Variants in LTA observed in about 807,000 individuals in gnomAD.
The protein encoded by LTA is lymphotoxin alpha.
In LTA, 6 loss-of-function variants were observed where a neutral mutation model predicts 15.1. That is an observed-to-expected ratio of 0.40 (90% CI 0.22 to 0.78). The LOEUF (loss-of-function observed/expected upper bound fraction) is 0.78, where lower values mean the gene tolerates loss of function less well. LTA is among the 30% of genes least tolerant of loss of function. The pLI, the probability that LTA is intolerant of heterozygous loss-of-function variation, is 0.38. For synonymous variants in LTA, 87 were observed against 107.3 expected, an observed-to-expected ratio of 0.81 and a Z score of 1.17; for missense variants, 173 against 249.5, an observed-to-expected ratio of 0.69 and a Z score of 2.06.
upstream of LTA, among the ~76,000 whole-genome samples, chr6:31,568,298 C>T (rs144451890): frequency 1.3e-5 from 2 of 152,250 alleles, no homozygotes; most frequent in African/African-American, 4.8e-5. The surrounding 1 kb of genome is among the most constrained non-coding windows in gnomAD (Gnocchi z 4.1). Context: ...GCTTGTGGCT[C>T]AGATTGGACT....
chr6:31,562,948 T>A, the LTA span, among the ~76,000 whole-genome samples: 4 of 149,002 alleles, frequency 2.7e-5, no homozygotes, highest in Admixed American at 2.7e-4. Context: ...ACTATAGATA[T>A]CAGGAGTTCA....
chr6:31,569,477 A>C (rs181404050), upstream of LTA, among the ~76,000 whole-genome samples: 371 of 152,316 alleles, frequency 2.4e-3, 8 homozygotes, highest in East Asian at 0.052. Flanking sequence ...CCACACTGAC[A>C]CAAGAGATAA....
In LTA at chr6:31,572,693, C is replaced by T. The variant is rs765284267; in HGVS notation, c.-9-41C>T. ...GGTCTGTCTTCCGCCGCGTGCCCCGCCCCGCTCACTGTCTCTCTCTCTCTC... is the reference window on the plus strand; with the variant it reads ...GGTCTGTCTTCCGCCGCGTGCCCCGTCCCGCTCACTGTCTCTCTCTCTCTC... On this transcript the variant is annotated intron_variant, in intron 1 of 3. Coordinates refer to ENST00000418386, the MANE Select transcript of LTA (RefSeq NM_000595.4). 14 of 1,478,138 alleles carry T rather than the reference C, an allele frequency of 9.5e-6. No individual in the cohort carries two copies. In the African/African-American group the frequency reaches 9.9e-5, roughly 10 times the overall value. 91.6% of individuals were successfully genotyped at this position (1,478,138 alleles called of 1,614,324 possible).
At chr6:31,572,634 C>A in intron 1 of LTA, 100 bp from the exon 2 acceptor site, 1 of 768,460 alleles carries the variant, frequency 1.3e-6, no homozygotes, top group Admixed American at 2.1e-5. Context: ...ATCTCTCTCT[C>A]GGGGGTCGGG....
At chr6:31,562,437 A>G in the LTA span, among the ~76,000 whole-genome samples, 1 of 152,126 alleles carries the variant, frequency 6.6e-6, no homozygotes, top group Non-Finnish European at 1.5e-5. Context: ...TAAGGGGGCT[A>G]GTCTTTTGAG....
upstream of LTA, among the ~76,000 whole-genome samples, chr6:31,571,874 A>G (rs1770843348): frequency 6.6e-6 from 1 of 150,510 alleles, no homozygotes; most frequent in African/African-American, 2.4e-5. Context: ...GGACAGGGGT[A>G]CAAGAGAAGG....
At position 31,572,906 on chromosome 6, in the gene LTA, C is replaced by G. The variant is rs1306875589; in HGVS notation, c.100-22C>G. 1.9e-6 allele frequency: 3 copies of G among 1,610,908 alleles called. No homozygotes were observed. In the Admixed American group the frequency reaches 5.0e-5, roughly 27 times the overall value. On this transcript the variant is annotated intron_variant, in intron 2 of 3. Coordinates refer to ENST00000418386, the MANE Select transcript of LTA (RefSeq NM_000595.4). ...GCCAAACCTTGAGCCCTAGAGCCCC[C>G]CTCAACTCTGTTCTCCCCTAGGGGC...
the LTA span, among the ~76,000 whole-genome samples, chr6:31,566,004 C>T: frequency 6.6e-6 from 1 of 151,654 alleles, no homozygotes; most frequent in Non-Finnish European, 1.5e-5. Context: ...ATGATGAAAC[C>T]CTATCTCTAC....
the LTA span, among the ~76,000 whole-genome samples, chr6:31,561,891 A>G: frequency 6.6e-6 from 1 of 152,072 alleles, no homozygotes; most frequent in Admixed American, 6.6e-5. Context: ...AGGTACCAGC[A>G]TGACTCTCAG....
upstream of LTA, among the ~76,000 whole-genome samples, chr6:31,568,885 A>G (rs536418572): frequency 2.7e-5 from 4 of 150,208 alleles, no homozygotes; most frequent in Non-Finnish European, 5.9e-5. This position sits in a 1 kb window ranked among gnomAD's most constrained non-coding sequence, Gnocchi z 4.1. Context: ...TCTCCCCATC[A>G]CCCTTCTTGC....
rs4647193 is a variant in LTA, at chr6:31,572,654, C to T, written c.-9-80C>T. ...TCTCTCGGGGGTCGGGGGGTGCTCT[C>T]TCCCAGGGCGGGAGGTCTGTCTTCC... On this transcript the variant is annotated intron_variant, in intron 1 of 3. Transcript: ENST00000418386. The T allele has an allele frequency of 1.4e-4, 136 of 970,050 alleles. 1 individual carries two copies. The African/African-American group carries it at 2.2e-3, about 16-fold the overall frequency. 60.1% of individuals were successfully genotyped at this position (970,050 alleles called of 1,614,324 possible). A position where few individuals can be genotyped will look rare whatever the true frequency, so the allele number is the denominator to read the frequency against.
chr6:31,567,668 ACACACACACGCACGCATG>A (rs1354738742), upstream of LTA, among the ~76,000 whole-genome samples: 24 of 57,314 alleles, frequency 4.2e-4, no homozygotes, highest in East Asian at 0.011. Flanking sequence ...ACACACACAC[ACACACACACGCACGCATG>A]CACGCACCAC....
upstream of LTA, among the ~76,000 whole-genome samples, chr6:31,567,670 A>ACG (rs1240324980): frequency 1.7e-4 from 9 of 53,414 alleles, no homozygotes; most frequent in East Asian, 1.2e-3. Flanking sequence ...ACACACACAC[A>ACG]CACACACGCA....
At chr6:31,572,478 C>T in intron 1 of LTA, 32 bp downstream of exon 1, 1 of 570,476 alleles carries the variant, frequency 1.8e-6, no homozygotes, top group East Asian at 2.9e-5. Flanking sequence ...TTCTCTGTCT[C>T]TGACTCTCCA....
chr6:31,573,843 C>T lies in LTA; in HGVS notation c.*150C>T. ...TCCCTGATCAAGTCACCGGAGCTTT[C>T]AAAGAAGGAATTCTAGGCATCCCAG... On this transcript the variant is annotated 3_prime_UTR_variant, in exon 4 of 4. Coordinates refer to ENST00000418386, the MANE Select transcript of LTA (RefSeq NM_000595.4). 1.1e-6 allele frequency: 1 copy of T among 935,582 alleles called. No individual in the cohort carries two copies. Among genetic ancestry groups the T allele is most frequent in the Non-Finnish European group, 1.7e-6 (1 of 594,756 alleles). The allele number at this position is 935,582 out of a possible 1,614,324, so 58.0% of individuals were successfully genotyped here. A position where few individuals can be genotyped will look rare whatever the true frequency, so the allele number is the denominator to read the frequency against.
chr6:31,573,390 C>T lies in LTA; in HGVS notation c.315C>T (p.Gly105=). 6.2e-7 allele frequency: 1 copy of T among 1,614,134 alleles called. No individual in the cohort carries two copies. The change falls in exon 4 of 4, where the codon GGC becomes GGT. Residue 105 remains glycine (G), a synonymous_variant. Coordinates refer to ENST00000418386, the MANE Select transcript of LTA (RefSeq NM_000595.4). ...ATTCTCTCCTGGTCCCCACCAGTGG[C>T]ATCTACTTCGTCTACTCCCAGGTGG... ...SNNSLLVPTS[G]IYFVYSQVVF...
upstream of LTA, among the ~76,000 whole-genome samples, chr6:31,567,152 G>A (rs924871210): frequency 2.0e-5 from 3 of 149,852 alleles, no homozygotes; most frequent in Admixed American, 6.6e-5. Flanking sequence ...AAAATTAGCC[G>A]GGAATGGTGG....
Position 31,572,439 on chromosome 6 carries a change from G to T in LTA, c.-17G>T. ...CTGGATCCCCGGCCTGCCTGGGCCT[G>T]GGCCTTGGTGGGTTTGGTTTTGGTT... On this transcript the variant is annotated 5_prime_UTR_variant, in exon 1 of 4. Transcript: ENST00000418386. 1.9e-6 allele frequency: 1 copy of T among 517,934 alleles called. No individual in the cohort carries two copies. The highest frequency in any genetic ancestry group is 3.4e-6 in the Non-Finnish European group (1 of 290,980). The allele number at this position is 517,934 out of a possible 1,614,324, so 32.1% of individuals were successfully genotyped here.
rs4645834 is a variant in LTA, at chr6:31,574,062, G to T, written c.*369G>T. 150 of 421,932 alleles carry T rather than the reference G, an allele frequency of 3.6e-4. No homozygotes were observed. The highest frequency in any genetic ancestry group is 1.5e-3 in the Admixed American group (41 of 27,748). 26.1% of individuals were successfully genotyped at this position (421,932 alleles called of 1,614,324 possible). ...GGCAGGGAGGGGACTATTTATGAAG[G>T]CAAAAAAATTAAATTATTTATTTAT... On this transcript the variant is annotated 3_prime_UTR_variant, in exon 4 of 4. Transcript: ENST00000418386.
Sources: gnomAD v4.1 joint callset for allele counts (sites outside exome capture counted in the v4.1 genomes callset) on GRCh38, gnomAD v4.1.1 for gene constraint, Gnocchi (gnomAD v3.1) non-coding constraint, MANE v1.5 for transcripts, NCBI Gene and HGNC (gene_info 2026-07-23, HGNC 2026-07-21) for gene names.